The following SPAG16 variants were observed in gnomAD, a reference collection of about 807,000 sequenced individuals.
SPAG16 encodes the protein sperm associated antigen 16.
A neutral mutation model predicts 80.4 loss-of-function variants in SPAG16; 86 were observed. The ratio of observed to expected loss-of-function variants is 1.07; its 90% CI spans 0.90 to 1.28. SPAG16 has a LOEUF of 1.28. Ranked by LOEUF, SPAG16 falls within the 50% of genes most tolerant of loss-of-function variation. SPAG16 has a pLI of 0.00. For synonymous variants in SPAG16, 294 were observed against 265.9 expected, an observed-to-expected ratio of 1.11 and a Z score of -1.03; for missense variants, 870 against 765.3, an observed-to-expected ratio of 1.14 and a Z score of -1.61.
chr2:213,344,925 T>A (rs568532073), intron 6 of SPAG16, among the ~76,000 whole-genome samples: 2 of 152,372 alleles, frequency 1.3e-5, no homozygotes, highest in Non-Finnish European at 2.9e-5. Flanking sequence ...CAAATGGTAT[T>A]TCTAGTTCAA....
intron 6 of SPAG16, among the ~76,000 whole-genome samples, chr2:213,344,763 T>C (rs1370540713): frequency 2.0e-5 from 3 of 152,188 alleles, no homozygotes; most frequent in South Asian, 4.1e-4. Context: ...CCACATTTTC[T>C]TAATCCAGTC....
At chr2:214,059,998 A>G (rs1000258917) in intron 13 of SPAG16, among the ~76,000 whole-genome samples, 2 of 152,092 alleles carry the variant, frequency 1.3e-5, no homozygotes, top group Non-Finnish European at 2.9e-5. Flanking sequence ...TGTATCACTC[A>G]CAGGACCTGC....
chr2:213,654,000 G>A (rs1038205365), intron 10 of SPAG16, among the ~76,000 whole-genome samples: 2 of 152,010 alleles, frequency 1.3e-5, no homozygotes, highest in Non-Finnish European at 2.9e-5. Context: ...AACAAAATTT[G>A]AGAATAATAA....
intron 15 of SPAG16, among the ~76,000 whole-genome samples, chr2:214,334,767 T>C (rs1267188350): frequency 6.6e-6 from 1 of 152,232 alleles, no homozygotes; most frequent in African/African-American, 2.4e-5. Context: ...TTCCATTTTA[T>C]GTCACCACTG....
chr2:214,382,973 C>T (rs1320415750), intron 15 of SPAG16, among the ~76,000 whole-genome samples: 1 of 151,748 alleles, frequency 6.6e-6, no homozygotes, highest in African/African-American at 2.4e-5. Flanking sequence ...GCTCATGAAG[C>T]CCCCACCCTA....
intron 15 of SPAG16, among the ~76,000 whole-genome samples, chr2:214,366,909 C>T (rs1420908594): frequency 1.3e-5 from 2 of 152,112 alleles, no homozygotes; most frequent in African/African-American, 4.8e-5. Flanking sequence ...TAGCCTGTTA[C>T]ATCCCAAAAT....
At chr2:214,347,443 A>G (rs950934898) in intron 15 of SPAG16, among the ~76,000 whole-genome samples, 1 of 152,170 alleles carries the variant, frequency 6.6e-6, no homozygotes, top group Non-Finnish European at 1.5e-5. Context: ...GCTGCAAGGC[A>G]AAGATCAAAT....
intron 9 of SPAG16, among the ~76,000 whole-genome samples, chr2:213,396,315 G>A (rs559206234): frequency 4.4e-4 from 67 of 152,090 alleles, no homozygotes; most frequent in Non-Finnish European, 6.8e-4. Flanking sequence ...ATCTTTCAAT[G>A]CGTGAATGAA....
chr2:213,348,233 G>T (rs984320108), intron 6 of SPAG16, among the ~76,000 whole-genome samples: 1 of 151,924 alleles, frequency 6.6e-6, no homozygotes, highest in Non-Finnish European at 1.5e-5. Flanking sequence ...TTGCTTGGTA[G>T]ATCTTCCTCC....
intron 7 of SPAG16, 80 bp downstream of exon 7, chr2:213,350,725 T>G: frequency 1.3e-6 from 1 of 782,922 alleles, no homozygotes; most frequent in East Asian, 2.9e-5. Flanking sequence ...CTGATTTTGT[T>G]TCTGAGATTA....
chr2:213,338,431 G>T (rs191366516), intron 5 of SPAG16, among the ~76,000 whole-genome samples: 3 of 152,300 alleles, frequency 2.0e-5, no homozygotes, highest in African/African-American at 7.2e-5. Context: ...AAGCTGGATA[G>T]AGGCAAGATT....
chr2:214,141,258 G>A (rs2055342088), intron 14 of SPAG16, among the ~76,000 whole-genome samples: 1 of 152,032 alleles, frequency 6.6e-6, no homozygotes, highest in African/African-American at 2.4e-5. Flanking sequence ...CACAAGGCCA[G>A]GAGATCAAGA....
chr2:214,215,204 C>T (rs899383217), intron 15 of SPAG16, among the ~76,000 whole-genome samples: 4 of 152,050 alleles, frequency 2.6e-5, no homozygotes, highest in Admixed American at 2.6e-4. Flanking sequence ...CTCCAAATTC[C>T]CATTCTTTGC....
Position 213,751,670 on chromosome 2 carries a change from C to G in SPAG16, c.1071-110815C>G, listed in dbSNP as rs562125024. 1.5e-4 allele frequency among the ~76,000 whole-genome samples: 23 copies of G among 152,302 alleles called. No homozygotes were observed. In the South Asian group the frequency reaches 4.6e-3, roughly 30 times the overall value. ...CTTATTGTGTCTCCCCTGACGCACACGCACGCCTGAACTTAACCTTATATT... is the reference window on the plus strand; with the variant it reads ...CTTATTGTGTCTCCCCTGACGCACAGGCACGCCTGAACTTAACCTTATATT... On this transcript the variant is annotated intron_variant, in intron 10 of 15. Coordinates refer to ENST00000331683, the MANE Select transcript of SPAG16 (RefSeq NM_024532.5).
intron 11 of SPAG16, among the ~76,000 whole-genome samples, chr2:213,911,792 G>A (rs925367775): frequency 4.3e-5 from 6 of 140,204 alleles, no homozygotes; most frequent in South Asian, 2.2e-4. Context: ...AAATTAGAAA[G>A]CAGAGAACAA....
intron 5 of SPAG16, among the ~76,000 whole-genome samples, chr2:213,332,670 T>C (rs2064159679): frequency 1.3e-5 from 2 of 152,118 alleles, no homozygotes; most frequent in South Asian, 4.1e-4. Context: ...AAAAAGATAA[T>C]TCATCATGAC....
chr2:213,825,944 G>T (rs182814605), intron 10 of SPAG16, among the ~76,000 whole-genome samples: 86 of 151,690 alleles, frequency 5.7e-4, no homozygotes, highest in Admixed American at 1.2e-3. Flanking sequence ...CTTACTATTG[G>T]TCTGTTCAGG....
intron 6 of SPAG16, among the ~76,000 whole-genome samples, chr2:213,340,559 G>A (rs1275817070): frequency 6.6e-6 from 1 of 152,098 alleles, no homozygotes; most frequent in Non-Finnish European, 1.5e-5. Flanking sequence ...TATTTCCACA[G>A]GAATTAAATT....
chr2:213,681,481 G>T (rs1214631559), intron 10 of SPAG16, among the ~76,000 whole-genome samples: 1 of 152,110 alleles, frequency 6.6e-6, no homozygotes, highest in Non-Finnish European at 1.5e-5. Context: ...CTCTTTCTAT[G>T]CTTTCCAGTT....
Sources: allele counts gnomAD v4.1 joint callset (sites outside exome capture counted in the v4.1 genomes callset), GRCh38; gene constraint gnomAD v4.1.1; transcripts MANE v1.5; gene names NCBI Gene and HGNC (gene_info 2026-07-23, HGNC 2026-07-21).